The following SLC34A2 variants were observed in gnomAD, a reference collection of about 807,000 sequenced individuals.
The protein encoded by SLC34A2 is solute carrier family 34 member 2.
In SLC34A2, 41 loss-of-function variants were observed where a neutral mutation model predicts 50.8. That is an observed-to-expected ratio of 0.81 (90% CI 0.63 to 1.05). The LOEUF (loss-of-function observed/expected upper bound fraction) is 1.05. Ranked by LOEUF, SLC34A2 falls within the 50% of genes least tolerant of loss-of-function variation. The pLI is 0.00. For synonymous variants in SLC34A2, 401 were observed against 364.2 expected, an observed-to-expected ratio of 1.10 and a Z score of -1.15; for missense variants, 879 against 876.7, an observed-to-expected ratio of 1.00 and a Z score of -0.03.
chr4:25,662,795 A>AC lies in SLC34A2; in HGVS notation c.207dup (p.Trp70LeufsTer50). ...ATAGATGAGCCCACTGAGGTGGATG[A>AC]CCCCTGGAACCTACCCACTCTTCAG... On this transcript the variant is annotated frameshift_variant, in exon 3 of 13. Transcript: ENST00000382051. LOFTEE classifies it high-confidence loss of function. 1 of 1,613,576 alleles carries AC rather than the reference A, an allele frequency of 6.2e-7. No individual in the cohort carries two copies. Among genetic ancestry groups the AC allele is most frequent in the Non-Finnish European group, 8.5e-7 (1 of 1,179,912 alleles).
chr4:25,678,704 TTTA>T lies in SLC34A2; in HGVS notation c.*1956_*1958del. The T allele has an allele frequency of 2.2e-6, 1 of 452,082 alleles. No homozygotes were observed. The highest frequency in any genetic ancestry group is 3.1e-5 in the South Asian group (1 of 31,826). The allele number at this position is 452,082 out of a possible 1,614,324, so 28.0% of individuals were successfully genotyped here. On this transcript the variant is annotated 3_prime_UTR_variant, in exon 13 of 13. Coordinates refer to ENST00000382051, the MANE Select transcript of SLC34A2 (RefSeq NM_006424.3). Reference sequence around the variant, plus strand: ...TGATTGTAATTTTTTTTTTTTTTTTTTTACTGGTTATGGGAAGGGAGAAATAAA... The same window carrying T: ...TGATTGTAATTTTTTTTTTTTTTTTTCTGGTTATGGGAAGGGAGAAATAAA...
At chr4:25,662,379 C>T (rs942737756) in intron 1 of SLC34A2, 119 bp from the exon 2 acceptor site, 18 of 823,096 alleles carry the variant, frequency 2.2e-5, no homozygotes, top group South Asian at 4.4e-5. Flanking sequence ...CTTTTACTGC[C>T]GCCTCCGGCC....
rs761538283 is a variant in SLC34A2 at position 25,676,227 on chromosome 4, G to C, written c.1551G>C (p.Gly517=). The C allele has an allele frequency of 6.2e-7, 1 of 1,614,056 alleles. No homozygotes were observed. Among genetic ancestry groups the C allele is most frequent in the South Asian group, 1.1e-5 (1 of 91,076 alleles). Residue 517 remains glycine, a synonymous_variant, in exon 13 of 13, where the codon GGG becomes GGC. Coordinates refer to ENST00000382051, the MANE Select transcript of SLC34A2 (RefSeq NM_006424.3). ...GCCTGCCCATCCGCATGGCCAAGGG[G>C]CTGGGCAACATCTCTGCCAAGTATC... ...FTRLPIRMAK[G]LGNISAKYRW... is the part of the protein sequence containing the mutation.
rs563042913 is a variant in SLC34A2 at position 25,667,368 on chromosome 4, T to C, written c.524-512T>C. Among the ~76,000 whole-genome samples, 4 of 152,192 alleles carry C rather than the reference T, an allele frequency of 2.6e-5. No individual in the cohort carries two copies. In the South Asian group the frequency reaches 8.3e-4, roughly 32 times the overall value. ...CTCTACTAAAAATACAAAAATTAGC[T>C]GGATGTGGTGGTGCATGCCTCCAGT... On this transcript the variant is annotated intron_variant, in intron 5 of 12. Coordinates refer to ENST00000382051, the MANE Select transcript of SLC34A2 (RefSeq NM_006424.3).
In SLC34A2 at chr4:25,675,397, C is replaced by G. The variant is rs554169118; in HGVS notation, c.1459-738C>G. 6.6e-5 allele frequency among the ~76,000 whole-genome samples: 10 copies of G among 152,284 alleles called. No homozygotes were observed. In the South Asian group the frequency reaches 1.0e-3, roughly 16 times the overall value. On this transcript the variant is annotated intron_variant, in intron 12 of 12. Coordinates refer to ENST00000382051, the MANE Select transcript of SLC34A2 (RefSeq NM_006424.3). ...CCTTTGGCAAGTGATCTAACCTGAGCGTCAATTCCCTCATCTGAAAGATGG... is the reference window on the plus strand; with the variant it reads ...CCTTTGGCAAGTGATCTAACCTGAGGGTCAATTCCCTCATCTGAAAGATGG...
chr4:25,664,061 G>C (rs2109049878), intron 3 of SLC34A2, 141 bp from the exon 4 acceptor site: 1 of 818,648 alleles, frequency 1.2e-6, no homozygotes, highest in East Asian at 2.4e-5. Context: ...AGGCTGGCTA[G>C]ACATAAGAAC....
intron 3 of SLC34A2, among the ~76,000 whole-genome samples, chr4:25,663,711 A>G (rs1354101854): frequency 6.6e-6 from 1 of 152,220 alleles, no homozygotes; most frequent in African/African-American, 2.4e-5. Context: ...ACAGCACTTA[A>G]GGATGTAGCA....
intron 3 of SLC34A2, 140 bp downstream of exon 3, chr4:25,662,982 CT>C (rs34583336): frequency 0.11 from 75,524 of 682,446 alleles, 1,286 homozygotes; most frequent in East Asian, 0.4. Flanking sequence ...ACCCTCTCAT[CT>C]TTTTTTTTTT....
At chr4:25,675,726 T>C (rs1577505047) in intron 12 of SLC34A2, among the ~76,000 whole-genome samples, 1 of 152,212 alleles carries the variant, frequency 6.6e-6, no homozygotes, top group Non-Finnish European at 1.5e-5. Context: ...TATTGGACAG[T>C]GCTGGTCCAC....
At chr4:25,660,019 T>C (rs1353047965) in intron 1 of SLC34A2, among the ~76,000 whole-genome samples, 1 of 152,208 alleles carries the variant, frequency 6.6e-6, no homozygotes, top group Non-Finnish European at 1.5e-5. Flanking sequence ...ACCTCTTTAA[T>C]GGCATGCTCT....
chr4:25,668,653 A>AAAT (rs1714640309), intron 6 of SLC34A2, among the ~76,000 whole-genome samples: 1 of 151,200 alleles, frequency 6.6e-6, no homozygotes, highest in African/African-American at 2.4e-5. Context: ...AAAAAAAAAA[A>AAAT]AAAATAAATA....
At chr4:25,669,898 C>T in intron 7 of SLC34A2, 56 bp downstream of exon 7, 2 of 1,416,876 alleles carry the variant, frequency 1.4e-6, no homozygotes, top group South Asian at 1.1e-5. Context: ...ACAACATCCC[C>T]TACCTGAGCT....
chr4:25,660,222 G>T (rs1714108199), intron 1 of SLC34A2, among the ~76,000 whole-genome samples: 1 of 152,210 alleles, frequency 6.6e-6, no homozygotes, highest in African/African-American at 2.4e-5. Flanking sequence ...GGTAGGGTTT[G>T]CAGTCTGGTA....
intron 5 of SLC34A2, 50 bp from the exon 6 acceptor site, chr4:25,667,830 C>A: frequency 8.1e-7 from 1 of 1,236,556 alleles, no homozygotes; most frequent in African/African-American, 1.5e-5. Context: ...CTTTAGCCTG[C>A]CTCCAGGCTG....
In SLC34A2 at chr4:25,667,876, C is replaced by T. The variant is rs768350755; in HGVS notation, c.524-4C>T. The stretch of plus-strand genomic sequence containing the variant: ...CTTGCTAATGGTACTTTTCCATCCT[C>T]TAGTGCTCACTGTTCGGGCTGCCAT... On this transcript the variant is annotated splice_region_variant and splice_polypyrimidine_tract_variant and intron_variant, in intron 5 of 12. Transcript: ENST00000382051. 2 of 1,601,262 alleles carry T rather than the reference C, an allele frequency of 1.2e-6. No individual in the cohort carries two copies. The highest frequency in any genetic ancestry group is 2.2e-5 in the South Asian group (2 of 90,770).
rs758753400 is a variant in SLC34A2, at chr4:25,662,853, G to A, written c.250+11G>A. On this transcript the variant is annotated intron_variant, in intron 3 of 12. Coordinates refer to ENST00000382051, the MANE Select transcript of SLC34A2 (RefSeq NM_006424.3). Reference sequence around the variant, plus strand: ...GGATCAAGTGGTCAGGTAAAAGTGAGGCCAGCTGAGACATTCAGGAGGGAA... The same window carrying A: ...GGATCAAGTGGTCAGGTAAAAGTGAAGCCAGCTGAGACATTCAGGAGGGAA... The A allele has an allele frequency of 2.5e-6, 4 of 1,613,880 alleles. No individual in the cohort carries two copies. In the South Asian group the frequency reaches 3.3e-5, roughly 13 times the overall value.
Position 25,671,637 on chromosome 4 carries a change from T to C in SLC34A2, c.964T>C (p.Cys322Arg), listed in dbSNP as rs74775366. ...CGTCACTGTTCCCTCGACTGCTAAC[T>C]GCACCTCCCCTTCCCTCTGTTGGAC... The part of the protein sequence containing the change: ...INVTVPSTAN[C>R]TSPSLCWTDG... Residue 322 changes from cysteine (C) to arginine (R), a missense_variant, in exon 9 of 13, where the codon TGC becomes CGC. Transcript: ENST00000382051. 2.4e-4 allele frequency: 380 copies of C among 1,614,068 alleles called. No individual in the cohort carries two copies. The highest frequency in any genetic ancestry group is 3.0e-4 in the Non-Finnish European group (349 of 1,180,040).
Position 25,676,420 on chromosome 4 carries a change from G to C in SLC34A2, c.1744G>C (p.Val582Leu). ...LRLLQSRCPR[V>L]LPKKLQNWNF... ...ACTCCTGCAGTCTCGCTGCCCACGC[G>C]TCCTGCCGAAGAAACTCCAGAACTG... The change falls in exon 13 of 13, where the codon GTC becomes CTC. Residue 582 changes from valine to leucine, a missense_variant. By Grantham distance (32) the Val-to-Leu change is conservative. Coordinates refer to ENST00000382051, the MANE Select transcript of SLC34A2 (RefSeq NM_006424.3). 1 of 1,613,990 alleles carries C rather than the reference G, an allele frequency of 6.2e-7. No homozygotes were observed. The highest frequency in any genetic ancestry group is 8.5e-7 in the Non-Finnish European group (1 of 1,179,892).
intron 4 of SLC34A2, chr4:25,664,970 C>G: frequency 4.3e-6 from 1 of 230,596 alleles, no homozygotes; most frequent in Non-Finnish European, 8.6e-6. Context: ...ACGGAGAGAT[C>G]ATGAACCAGC....
Sources: allele counts gnomAD v4.1 joint callset (sites outside exome capture counted in the v4.1 genomes callset), GRCh38; gene constraint gnomAD v4.1.1; transcripts MANE v1.5; gene names NCBI Gene and HGNC (gene_info 2026-07-23, HGNC 2026-07-21).